The following IL20RA variants were observed in gnomAD, a reference collection of about 807,000 sequenced individuals.
The protein encoded by IL20RA is interleukin 20 receptor subunit alpha.
Under a neutral mutation model 36.5 loss-of-function variants are expected in IL20RA, and 29 were observed. The observed-to-expected ratio is 0.79, with a 90% CI of 0.59 to 1.08. The LOEUF is 1.08. IL20RA is among the 50% of genes least tolerant of loss of function. The probability of loss-of-function intolerance (pLI) is 0.00; values close to 1 mark genes in which losing one functional copy is unlikely to be tolerated. For missense variants in IL20RA, 652 were observed against 668.4 expected (o/e 0.98, Z 0.27); for synonymous variants, 279 against 267.1 (o/e 1.04, Z -0.43).
At chr6:137,025,806 T>C (rs188285146) in intron 1 of IL20RA, among the ~76,000 whole-genome samples, 1 of 152,352 alleles carries the variant, frequency 6.6e-6, no homozygotes, top group Admixed American at 6.5e-5. Flanking sequence ...TTTAATTATA[T>C]GTCTGACAGT....
In IL20RA at chr6:137,016,977, T is replaced by C. The variant is rs1323226054; in HGVS notation, c.215A>G (p.Gln72Arg). 1 of 1,613,458 alleles carries C rather than the reference T, an allele frequency of 6.2e-7. No homozygotes were observed. Among genetic ancestry groups the C allele is most frequent in the African/African-American group, 1.3e-5 (1 of 74,894 alleles). Residue 72 changes from glutamine (Q) to arginine (R), a missense_variant, in exon 2 of 7, where the codon CAG becomes CGG. Physicochemically the swap from Gln to Arg is conservative, Grantham distance 43. Transcript: ENST00000316649. ...AAAAGAAGAAACTTACATGAAATAC[T>C]GCACAGTGTAAGTAACTTTAACTCC... ...LQGVKVTYTV[Q>R]YFIYGQKKWL...
rs2115356056 is a variant in IL20RA at position 137,001,234 on chromosome 6, T to C, written c.*324A>G. 1 of 209,062 alleles carries C rather than the reference T, an allele frequency of 4.8e-6. No homozygotes were observed. Among genetic ancestry groups the C allele is most frequent in the South Asian group, 1.7e-4 (1 of 6,004 alleles). The allele number at this position is 209,062 out of a possible 1,614,324, so 13.0% of individuals were successfully genotyped here. ...GAAAATAATTGTACAAGTGTGCTTG[T>C]TTGAAAATAATGAACCAAGAGGCCA... On this transcript the variant is annotated 3_prime_UTR_variant, in exon 7 of 7. Transcript: ENST00000316649.
In IL20RA at chr6:137,007,737, G is replaced by A. The variant is rs889071067; in HGVS notation, c.724+862C>T. On this transcript the variant is annotated intron_variant, in intron 5 of 6. Transcript: ENST00000316649. ...GAGGAGATAAATAAAAGGAAATAGA[G>A]AGAAGCAACTGTAAGGATAAGGAAG... Among the ~76,000 whole-genome samples, 4 of 152,154 alleles carry A rather than the reference G, an allele frequency of 2.6e-5. No individual in the cohort carries two copies. In the East Asian group the frequency reaches 7.7e-4, roughly 29 times the overall value.
Position 137,011,368 on chromosome 6 carries a change from G to A in IL20RA, c.309C>T (p.Asp103=), listed in dbSNP as rs1775491236. 6.2e-7 allele frequency: 1 copy of A among 1,613,426 alleles called. No homozygotes were observed. Among genetic ancestry groups the A allele is most frequent in the Non-Finnish European group, 8.5e-7 (1 of 1,179,476 alleles). ...CTTTGGCATAATACTGGTGTTCGTAGTCAGAAGTTTCAGCAGAAAGATCAC... is the reference window on the plus strand; with the variant it reads ...CTTTGGCATAATACTGGTGTTCGTAATCAGAAGTTTCAGCAGAAAGATCAC... ...TYCDLSAETS[D]YEHQYYAKVK... The change falls in exon 3 of 7, where the codon GAC becomes GAT. Residue 103 remains aspartate, a synonymous_variant. Coordinates refer to ENST00000316649, the MANE Select transcript of IL20RA (RefSeq NM_014432.4).
intron 1 of IL20RA, among the ~76,000 whole-genome samples, chr6:137,018,716 G>T (rs1415455987): frequency 6.6e-6 from 1 of 152,104 alleles, no homozygotes; most frequent in East Asian, 1.9e-4. Context: ...GTACTACTAG[G>T]TTCTCAATTT....
intron 1 of IL20RA, among the ~76,000 whole-genome samples, chr6:137,021,673 A>T (rs1011861791): frequency 8.5e-5 from 13 of 152,322 alleles, no homozygotes; most frequent in African/African-American, 2.9e-4. Context: ...GTCTCAAAAA[A>T]TAAAATGTTG....
rs1282347969 is a variant in IL20RA, at chr6:137,044,550, C to G, written c.88+91G>C. On this transcript the variant is annotated intron_variant, in intron 1 of 6. Coordinates refer to ENST00000316649, the MANE Select transcript of IL20RA (RefSeq NM_014432.4). ...CCGAAAGCGAAACCTGGCCGGCGGGCAGGAGGGGAGAGCTCGGCCTCGAGC... is the reference window on the plus strand; with the variant it reads ...CCGAAAGCGAAACCTGGCCGGCGGGGAGGAGGGGAGAGCTCGGCCTCGAGC... 6.8e-6 allele frequency: 8 copies of G among 1,168,948 alleles called. No homozygotes were observed. In the Admixed American group the frequency reaches 2.6e-4, roughly 38 times the overall value. The allele number at this position is 1,168,948 out of a possible 1,614,324, so 72.4% of individuals were successfully genotyped here. A position where few individuals can be genotyped will look rare whatever the true frequency, so the allele number is the denominator to read the frequency against.
At chr6:137,025,870 G>T (rs1776068037) in intron 1 of IL20RA, among the ~76,000 whole-genome samples, 1 of 152,200 alleles carries the variant, frequency 6.6e-6, no homozygotes, top group East Asian at 1.9e-4. Flanking sequence ...ATACGTGAGT[G>T]CCTGATGAAC....
intron 3 of IL20RA, among the ~76,000 whole-genome samples, chr6:137,010,702 A>G (rs563727127): frequency 6.6e-6 from 1 of 152,332 alleles, no homozygotes; most frequent in South Asian, 2.1e-4. Flanking sequence ...AAATTACATC[A>G]TCACACTACC....
intron 1 of IL20RA, among the ~76,000 whole-genome samples, chr6:137,031,489 A>C (rs1776281149): frequency 6.6e-6 from 1 of 152,350 alleles, no homozygotes; most frequent in South Asian, 2.1e-4. Context: ...TTGTGTTACA[A>C]ATGCCTACAG....
At chr6:137,039,842 A>G (rs1165437605) in intron 1 of IL20RA, among the ~76,000 whole-genome samples, 2 of 152,216 alleles carry the variant, frequency 1.3e-5, no homozygotes. Flanking sequence ...AAATGCCCCA[A>G]ATGTCACAAA....
chr6:137,029,589 T>C (rs534541043), intron 1 of IL20RA, among the ~76,000 whole-genome samples: 96 of 152,344 alleles, frequency 6.3e-4, no homozygotes, highest in Non-Finnish European at 1.2e-3. Flanking sequence ...AACATCTCAA[T>C]TGGTAGTAAT....
rs374954861 is a variant in IL20RA at position 137,011,294 on chromosome 6, C to T, written c.383G>A (p.Arg128Gln). The T allele has an allele frequency of 1.9e-5, 30 of 1,610,528 alleles. No individual in the cohort carries two copies. Among genetic ancestry groups the T allele is most frequent in the African/African-American group, 6.7e-5 (5 of 74,690 alleles). ...TKCSKWAESG[R>Q]FYPFLETQIG... ...CTTACTTTCTAAAAAAGGATAGAAC[C>T]GTCCACTTTCAGCCCATTTGGAACA... Residue 128 changes from arginine to glutamine, a missense_variant, in exon 3 of 7, where the codon CGG becomes CAG. Physicochemically the swap from Arg to Gln is conservative, Grantham distance 43. Coordinates refer to ENST00000316649, the MANE Select transcript of IL20RA (RefSeq NM_014432.4).
chr6:137,038,168 G>A (rs1198103151), intron 1 of IL20RA: 3 of 142,932 alleles, frequency 2.1e-5, no homozygotes, highest in Non-Finnish European at 4.5e-5. Context: ...TAATGTCTCT[G>A]ACTAGCATAC....
chr6:137,021,655 G>A lies in IL20RA; in HGVS notation c.89-4552C>T, dbSNP rs146047838. Among the ~76,000 whole-genome samples, 843 of 152,214 alleles carry A rather than the reference G, an allele frequency of 5.5e-3. 7 individuals carry two copies. Among genetic ancestry groups the A allele is most frequent in the African/African-American group, 0.019 (787 of 41,532 alleles). On this transcript the variant is annotated intron_variant, in intron 1 of 6. Coordinates refer to ENST00000316649, the MANE Select transcript of IL20RA (RefSeq NM_014432.4). ...TGCACTCCAGCCTGGGCAACAGAGC[G>A]AGACTCTGTCTCAAAAAATAAAATG...
intron 1 of IL20RA, among the ~76,000 whole-genome samples, chr6:137,037,370 C>G (rs543278399): frequency 6.6e-6 from 1 of 152,102 alleles, no homozygotes. Context: ...AAAGAGTAGC[C>G]TTAGTTGCAT....
rs1331919237 is a variant in IL20RA at position 137,017,113 on chromosome 6, G to A, written c.89-10C>T. ...CCAGAGACACAGGGAACTGAAAAAG[G>A]AGCAGAAAGGAATTGAGGTCTTAGT... On this transcript the variant is annotated splice_polypyrimidine_tract_variant and intron_variant, in intron 1 of 6. Transcript: ENST00000316649. 1 of 1,611,554 alleles carries A rather than the reference G, an allele frequency of 6.2e-7. No individual in the cohort carries two copies. Among genetic ancestry groups the A allele is most frequent in the South Asian group, 1.1e-5 (1 of 90,748 alleles).
rs953119894 is a variant in IL20RA, at chr6:137,020,976, C to A, written c.89-3873G>T. On this transcript the variant is annotated intron_variant, in intron 1 of 6. Coordinates refer to ENST00000316649, the MANE Select transcript of IL20RA (RefSeq NM_014432.4). Reference sequence around the variant, plus strand: ...AGAAAAGTAGGTCACGTCTTGATATCAGCCCATCTCTAAATCTCTCCAGGA... The same window carrying A: ...AGAAAAGTAGGTCACGTCTTGATATAAGCCCATCTCTAAATCTCTCCAGGA... Among the ~76,000 whole-genome samples, 7 of 152,002 alleles carry A rather than the reference C, an allele frequency of 4.6e-5. No individual in the cohort carries two copies. In the East Asian group the frequency reaches 1.3e-3, roughly 29 times the overall value.
intron 1 of IL20RA, 102 bp from the exon 2 acceptor site, chr6:137,017,205 C>G: frequency 1.2e-6 from 1 of 832,246 alleles, no homozygotes; most frequent in Non-Finnish European, 1.9e-6. Context: ...TACGGCCTTC[C>G]AGTATGCATG....
Sources: gnomAD v4.1 joint callset for allele counts (sites outside exome capture counted in the v4.1 genomes callset) on GRCh38, gnomAD v4.1.1 for gene constraint, MANE v1.5 for transcripts, NCBI Gene and HGNC (gene_info 2026-07-23, HGNC 2026-07-21) for gene names.